Variants in DLG1 observed in about 807,000 individuals in gnomAD.
DLG1 encodes the protein discs large MAGUK scaffold protein 1.
A neutral mutation model predicts 123.4 loss-of-function variants in DLG1; 42 were observed. The ratio of observed to expected loss-of-function variants is 0.34; its 90% CI spans 0.27 to 0.44. The LOEUF (loss-of-function observed/expected upper bound fraction) is 0.44. Ranked by LOEUF, DLG1 falls within the 20% of genes least tolerant of loss-of-function variation. The pLI, the probability that DLG1 is intolerant of heterozygous loss-of-function variation, is 1.00. For synonymous variants in DLG1, 317 were observed against 356.2 expected (o/e 0.89, Z 1.24); for missense variants, 942 against 1,082.6 (o/e 0.87, Z 1.82).
chr3:197,188,885 G>A (rs192152690), intron 5 of DLG1, among the ~76,000 whole-genome samples: 21 of 152,054 alleles, frequency 1.4e-4, no homozygotes, highest in African/African-American at 4.8e-4. Flanking sequence ...CTTCAATTCC[G>A]GTTTTCTAAC....
intron 6 of DLG1, among the ~76,000 whole-genome samples, chr3:197,148,839 T>C (rs1427296915): frequency 2.6e-5 from 4 of 152,172 alleles, no homozygotes; most frequent in African/African-American, 9.7e-5. Context: ...ACTCAATCAT[T>C]ATCACGAAAT....
At chr3:197,214,682 G>T (rs1390446715) in intron 4 of DLG1, among the ~76,000 whole-genome samples, 1 of 152,146 alleles carries the variant, frequency 6.6e-6, no homozygotes, top group Non-Finnish European at 1.5e-5. Context: ...CTAGTTTGGG[G>T]GGAGGGGTAG....
chr3:197,297,832 G>C lies in DLG1; in HGVS notation c.-31-597C>G, dbSNP rs1186945649. ...CGGTGAGCGGCGTGCGCTCGGAACT[G>C]GGGTGCGCCCCGGCCAGACTCGGAG... On this transcript the variant is annotated intron_variant, in intron 1 of 24. Transcript: ENST00000667157. 15 of 985,136 alleles carry C rather than the reference G, an allele frequency of 1.5e-5. No homozygotes were observed. The South Asian group carries it at 4.2e-4, about 28-fold the overall frequency. The allele number at this position is 985,136 out of a possible 1,614,324, so 61.0% of individuals were successfully genotyped here.
intron 4 of DLG1, among the ~76,000 whole-genome samples, chr3:197,279,391 G>A (rs1386568654): frequency 6.6e-6 from 1 of 152,148 alleles, no homozygotes; most frequent in Non-Finnish European, 1.5e-5. Flanking sequence ...ACTCCAGTTT[G>A]ATATATACAG....
intron 13 of DLG1, among the ~76,000 whole-genome samples, chr3:197,108,894 T>A (rs1462824676): frequency 4.6e-5 from 7 of 152,202 alleles, no homozygotes; most frequent in Non-Finnish European, 1.0e-4. Flanking sequence ...AGAATTTACT[T>A]AATTTGGTTA....
At chr3:197,061,385 T>C (rs917200109) in intron 22 of DLG1, among the ~76,000 whole-genome samples, 2 of 152,232 alleles carry the variant, frequency 1.3e-5, no homozygotes, top group Non-Finnish European at 2.9e-5. Context: ...ATAAACTGCA[T>C]AATGCTCCTT....
intron 23 of DLG1, among the ~76,000 whole-genome samples, chr3:197,057,233 C>G (rs928110301): frequency 1.3e-5 from 2 of 152,126 alleles, no homozygotes; most frequent in Non-Finnish European, 2.9e-5. Flanking sequence ...GAATGCACCA[C>G]CACATCCAGC....
chr3:197,179,887 T>C (rs1008280244), intron 5 of DLG1, among the ~76,000 whole-genome samples: 2 of 152,192 alleles, frequency 1.3e-5, no homozygotes, highest in Admixed American at 6.5e-5. Flanking sequence ...TGTTTTCCTA[T>C]ATTTTTGACT....
intron 6 of DLG1, among the ~76,000 whole-genome samples, chr3:197,143,795 G>C (rs986550044): frequency 2.0e-5 from 3 of 151,980 alleles, no homozygotes; most frequent in Non-Finnish European, 4.4e-5. Context: ...CTGGAATTTT[G>C]TGCCTCCTCG....
At position 197,131,402 on chromosome 3, in the gene DLG1, A is replaced by AT. The variant is rs573328586; in HGVS notation, c.1021-732dup. On this transcript the variant is annotated intron_variant, in intron 10 of 24. Coordinates refer to ENST00000667157, the MANE Select transcript of DLG1 (RefSeq NM_001366207.1). ...TTCTACTTTCGTAATACTCAAGTTG[A>AT]TTTTTTTTCAATTATTTTTTGGCCA... Among the ~76,000 whole-genome samples, 283 of 151,740 alleles carry AT rather than the reference A, an allele frequency of 1.9e-3. 1 individual carries two copies. Among genetic ancestry groups the AT allele is most frequent in the South Asian group, 4.0e-3 (19 of 4,798 alleles).
intron 5 of DLG1, among the ~76,000 whole-genome samples, chr3:197,167,861 GTTCTT>G (rs1196201431): frequency 6.6e-6 from 1 of 152,214 alleles, no homozygotes; most frequent in Admixed American, 6.5e-5. Context: ...TTTTGGTTTG[GTTCTT>G]TTAAGGACAC....
At chr3:197,087,063 C>T (rs1323381413) in intron 15 of DLG1, among the ~76,000 whole-genome samples, 2 of 151,932 alleles carry the variant, frequency 1.3e-5, no homozygotes, top group African/African-American at 4.8e-5. Context: ...CATCTGTTCA[C>T]CTACTACCCA....
intron 4 of DLG1, among the ~76,000 whole-genome samples, chr3:197,276,231 T>C (rs1766352188): frequency 6.6e-6 from 1 of 152,226 alleles, no homozygotes; most frequent in Admixed American, 6.5e-5. Flanking sequence ...TCCGATCTCT[T>C]ACCGATAATC....
At chr3:197,287,210 A>T (rs1772307285) in intron 3 of DLG1, among the ~76,000 whole-genome samples, 2 of 152,140 alleles carry the variant, frequency 1.3e-5, no homozygotes, top group Non-Finnish European at 2.9e-5. Flanking sequence ...GGGATATGGG[A>T]ACTGTACTTT....
chr3:197,268,370 G>C (rs906941596), intron 4 of DLG1, among the ~76,000 whole-genome samples: 1 of 152,036 alleles, frequency 6.6e-6, no homozygotes, highest in African/African-American at 2.4e-5. Flanking sequence ...TTTTCTCCTA[G>C]ATTAACAGCT....
At chr3:197,277,058 A>C (rs1766795571) in intron 4 of DLG1, among the ~76,000 whole-genome samples, 1 of 151,550 alleles carries the variant, frequency 6.6e-6, no homozygotes, top group Middle Eastern at 3.4e-3. Context: ...CACCCAGCTA[A>C]TTTTTGCATT....
intron 4 of DLG1, among the ~76,000 whole-genome samples, chr3:197,281,079 C>A (rs1327232062): frequency 6.7e-6 from 1 of 149,518 alleles, no homozygotes; most frequent in Admixed American, 6.7e-5. Flanking sequence ...CGCTTGTTGC[C>A]CAGACTGGAG....
At chr3:197,149,821 T>G in intron 5 of DLG1, 25 bp from the exon 6 acceptor site, 1 of 1,416,360 alleles carries the variant, frequency 7.1e-7, no homozygotes, top group Non-Finnish European at 9.9e-7. Context: ...TGTAAATGTG[T>G]TAACAAGAAA....
chr3:197,140,299 T>C (rs1184634111), intron 7 of DLG1, 35 bp from the exon 8 acceptor site: 1 of 1,604,438 alleles, frequency 6.2e-7, no homozygotes, highest in South Asian at 1.1e-5. Flanking sequence ...AGACTGAATA[T>C]GATTTATCTT....
Sources: gnomAD v4.1 joint callset for allele counts (sites outside exome capture counted in the v4.1 genomes callset) on GRCh38, gnomAD v4.1.1 for gene constraint, MANE v1.5 for transcripts, NCBI Gene and HGNC (gene_info 2026-07-23, HGNC 2026-07-21) for gene names.